Variants in NCBP3 observed in about 807,000 individuals in gnomAD.
NCBP3 encodes nuclear cap binding subunit 3.
In NCBP3, 20 loss-of-function variants were observed where a neutral mutation model predicts 75.7. The observed-to-expected ratio is 0.26, with a 90% CI of 0.19 to 0.38. The LOEUF is 0.38. Among genes scored for constraint, NCBP3 ranks in the 10% least tolerant of loss-of-function variants. NCBP3 has a pLI of 1.00. For missense variants in NCBP3, 678 were observed against 796.9 expected (o/e 0.85, Z 1.80); for synonymous variants, 293 against 290.5 (o/e 1.01, Z -0.09).
chr17:3,835,030 C>T (rs1011048887), intron 3 of NCBP3, among the ~76,000 whole-genome samples: 10 of 152,082 alleles, frequency 6.6e-5, no homozygotes, highest in African/African-American at 2.4e-4. Flanking sequence ...AGACACTGCC[C>T]ACCCTTCACC....
At chr17:3,822,149 A>G in intron 7 of NCBP3, 97 bp from the exon 8 acceptor site, 2 of 824,642 alleles carry the variant, frequency 2.4e-6, no homozygotes, top group South Asian at 3.2e-5. Flanking sequence ...GAATCAGATC[A>G]GCGCAATTTG....
At chr17:3,827,953 C>T (rs889014234) in intron 4 of NCBP3, among the ~76,000 whole-genome samples, 1 of 152,212 alleles carries the variant, frequency 6.6e-6, no homozygotes, top group Non-Finnish European at 1.5e-5. Context: ...GAGTCTCACT[C>T]TGTTGCCCAG....
In NCBP3 at chr17:3,820,608, T is replaced by C. The variant is rs1262299414; in HGVS notation, c.1000+641A>G. 2.0e-5 allele frequency among the ~76,000 whole-genome samples: 3 copies of C among 152,104 alleles called. No individual in the cohort carries two copies. In the East Asian group the frequency reaches 5.8e-4, roughly 29 times the overall value. On this transcript the variant is annotated intron_variant, in intron 9 of 12. Coordinates refer to ENST00000389005, the MANE Select transcript of NCBP3 (RefSeq NM_001114118.3). ...TATTTTTAATACAGAAAAAGAACAA[T>C]ACAATCAGTTCATCTGATAAAATAA...
At chr17:3,821,472 A>C (rs1271909667) in intron 8 of NCBP3, 120 bp from the exon 9 acceptor site, 7 of 738,744 alleles carry the variant, frequency 9.5e-6, no homozygotes, top group Non-Finnish European at 1.3e-5. Flanking sequence ...TCCCAGGCTG[A>C]AGTGCAATGG....
rs2054095640 is a variant in NCBP3, at chr17:3,843,125, C to T, written c.210G>A (p.Lys70=). 6.4e-7 allele frequency: 1 copy of T among 1,551,604 alleles called. No individual in the cohort carries two copies. Residue 70 remains lysine (K), a synonymous_variant, in exon 2 of 13, where the codon AAG becomes AAA. Transcript: ENST00000389005. The stretch of plus-strand genomic sequence containing the variant: ...CAATTCCAGTGATGAAGCTGCCAGC[C>T]TTGTTTTCATATCTTCTGCTCGTGT... ...IPDTSRRYEN[K]AGSFITGIDV...
intron 3 of NCBP3, among the ~76,000 whole-genome samples, chr17:3,836,240 T>C (rs1036011941): frequency 6.6e-6 from 1 of 152,194 alleles, no homozygotes; most frequent in Non-Finnish European, 1.5e-5. Context: ...AAATGACGGC[T>C]GGGAAGATGG....
At chr17:3,845,637 G>C (rs960080026) in intron 1 of NCBP3, among the ~76,000 whole-genome samples, 1 of 152,194 alleles carries the variant, frequency 6.6e-6, no homozygotes, top group African/African-American at 2.4e-5. Flanking sequence ...AGACCCACAA[G>C]GAGACCTGGT....
At position 3,822,010 on chromosome 17, in the gene NCBP3, T is replaced by G; in HGVS notation, c.839A>C (p.Tyr280Ser). 1 of 1,613,242 alleles carries G rather than the reference T, an allele frequency of 6.2e-7. No homozygotes were observed. The highest frequency in any genetic ancestry group is 8.5e-7 in the Non-Finnish European group (1 of 1,179,564). Residue 280 changes from tyrosine (Y) to serine (S), a missense_variant, in exon 8 of 13, where the codon TAC becomes TCC. Physicochemically the swap from Tyr to Ser is moderately radical, Grantham distance 144. Around this residue, in one of 7 missense-constraint regions of NCBP3, gnomAD observed 38 missense variants for 78.9 expected, o/e 0.48. Transcript: ENST00000389005. ...ELGAARRSQY[Y>S]MKYGNPNYGG... ...ATAATTTGGATTCCCATATTTCATG[T>G]AATACTGACTTCTTCTGGCTGCTCC...
Position 3,825,749 on chromosome 17 carries a change from C to G in NCBP3, c.687+18G>C. On this transcript the variant is annotated intron_variant, in intron 6 of 12. Coordinates refer to ENST00000389005, the MANE Select transcript of NCBP3 (RefSeq NM_001114118.3). ...TTTTTTACAATAACTTTACATCTAT[C>G]TTTCCCCTATTACTAACCTCTACAT... 6.6e-7 allele frequency: 1 copy of G among 1,523,278 alleles called. No individual in the cohort carries two copies. The highest frequency in any genetic ancestry group is 8.9e-7 in the Non-Finnish European group (1 of 1,123,368). 94.4% of individuals were successfully genotyped at this position (1,523,278 alleles called of 1,614,324 possible).
In NCBP3 at chr17:3,807,529, T is replaced by C. The variant is rs543310991; in HGVS notation, c.*5515A>G. The C allele has an allele frequency of 6.6e-6, 1 of 152,320 alleles. No homozygotes were observed. Among genetic ancestry groups the C allele is most frequent in the African/African-American group, 2.4e-5 (1 of 41,574 alleles). 9.4% of individuals were successfully genotyped at this position (152,320 alleles called of 1,614,324 possible). A position where few individuals can be genotyped will look rare whatever the true frequency, so the allele number is the denominator to read the frequency against. ...CCAGAACTGGGCTGGGTTACCATAATTCATTCATTTACCAAACACTTTCGA... is the reference window on the plus strand; with the variant it reads ...CCAGAACTGGGCTGGGTTACCATAACTCATTCATTTACCAAACACTTTCGA... On this transcript the variant is annotated 3_prime_UTR_variant, in exon 13 of 13. Coordinates refer to ENST00000389005, the MANE Select transcript of NCBP3 (RefSeq NM_001114118.3).
intron 8 of NCBP3, among the ~76,000 whole-genome samples, chr17:3,821,583 T>C (rs1362032778): frequency 6.6e-6 from 1 of 152,030 alleles, no homozygotes; most frequent in Non-Finnish European, 1.5e-5. Context: ...CCACCATGCA[T>C]GGCTAATTTT....
At chr17:3,845,812 C>T (rs1024657519) in intron 1 of NCBP3, among the ~76,000 whole-genome samples, 10 of 152,164 alleles carry the variant, frequency 6.6e-5, no homozygotes, top group Non-Finnish European at 1.5e-4. Context: ...CAGCTCTCCG[C>T]CACCACCCCC....
intron 3 of NCBP3, 61 bp downstream of exon 3, chr17:3,840,039 T>C (rs1195099375): frequency 6.1e-6 from 8 of 1,312,396 alleles, no homozygotes; most frequent in African/African-American, 4.4e-5. Context: ...CATGAGGTGA[T>C]GGCAGGGAAA....
intron 6 of NCBP3, 76 bp downstream of exon 6, chr17:3,825,691 C>G: frequency 1.9e-6 from 2 of 1,077,734 alleles, no homozygotes; most frequent in South Asian, 2.8e-5. Flanking sequence ...GTAACTAAGT[C>G]TTTAAGGCTT....
Position 3,821,328 on chromosome 17 carries a change from A to G in NCBP3, c.921T>C (p.Arg307=), listed in dbSNP as rs540943616. Residue 307 remains arginine (R), a synonymous_variant, in exon 9 of 13, where the codon CGT becomes CGC. Transcript: ENST00000389005. ...TCTTCTTGATCACGTCCCGCTGAAT[A>G]CGACGGGAATGATATCTTCGCTTCC... ...NSWKRRYHSR[R]IQRDVIKKRA... is the part of the protein sequence containing the mutation. The G allele has an allele frequency of 4.4e-5, 71 of 1,614,060 alleles. No homozygotes were observed. The South Asian group carries it at 7.2e-4, about 16-fold the overall frequency.
intron 9 of NCBP3, 23 bp downstream of exon 9, chr17:3,821,226 C>G (rs983603229): frequency 1.3e-6 from 2 of 1,551,282 alleles, no homozygotes; most frequent in African/African-American, 2.7e-5. Flanking sequence ...ATGTGTCTAC[C>G]CAAGAGCTGA....
chr17:3,813,899 A>G (rs1211757257), intron 12 of NCBP3, among the ~76,000 whole-genome samples: 1 of 152,100 alleles, frequency 6.6e-6, no homozygotes, highest in African/African-American at 2.4e-5. Context: ...CCTGACCTCA[A>G]GTGATCCCCC....
rs1342875351 is a variant in NCBP3, at chr17:3,831,954, C to T, written c.356-2586G>A. 1.6e-5 allele frequency among the ~76,000 whole-genome samples: 2 copies of T among 121,320 alleles called. 1 individual carries two copies. The highest frequency in any genetic ancestry group is 4.0e-5 in the Non-Finnish European group (2 of 50,158). The allele number at this position is 121,320 out of a possible 152,430, so 79.6% of individuals were successfully genotyped here. A position where few individuals can be genotyped will look rare whatever the true frequency, so the allele number is the denominator to read the frequency against. ...ATCCCAGCACTTTGGGAGGCCAAGG[C>T]GGGTGGATCACTTGATGTCAGGAGT... On this transcript the variant is annotated intron_variant, in intron 3 of 12. Transcript: ENST00000389005.
Position 3,808,442 on chromosome 17 carries a change from G to A in NCBP3, c.*4602C>T, listed in dbSNP as rs1597388022. On this transcript the variant is annotated 3_prime_UTR_variant, in exon 13 of 13. Coordinates refer to ENST00000389005, the MANE Select transcript of NCBP3 (RefSeq NM_001114118.3). ...TGGCAGTACCATGGGACACATAGAA[G>A]TAGCCTATACCCTGGCTCTGGAAGT... The A allele has an allele frequency of 6.6e-6, 1 of 152,334 alleles. No homozygotes were observed. The highest frequency in any genetic ancestry group is 2.1e-4 in the South Asian group (1 of 4,828). The allele number at this position is 152,334 out of a possible 1,614,324, so 9.4% of individuals were successfully genotyped here.
Sources: allele counts gnomAD v4.1 joint callset (sites outside exome capture counted in the v4.1 genomes callset), GRCh38; gene constraint gnomAD v4.1.1; regional missense constraint gnomAD v4.1.1; transcripts MANE v1.5; gene names NCBI Gene and HGNC (gene_info 2026-07-23, HGNC 2026-07-21).